ANGPTL6: variants seen among roughly 807,000 people sequenced by gnomAD.
The protein encoded by ANGPTL6 is angiopoietin like 6.
ANGPTL6 carries 45 observed loss-of-function variants against 47.4 expected under a neutral mutation model. That is an observed-to-expected ratio of 0.95 (90% confidence interval 0.75 to 1.22). ANGPTL6 has a LOEUF of 1.22. ANGPTL6 is among the 50% of genes most tolerant of loss of function. The probability of loss-of-function intolerance (pLI) is 0.00; values close to 1 mark genes in which losing one functional copy is unlikely to be tolerated. For synonymous variants in ANGPTL6, 290 were observed against 295.9 expected (o/e 0.98, Z 0.20); for missense variants, 698 against 669.4 (o/e 1.04, Z -0.47).
intron 1 of ANGPTL6, among the ~76,000 whole-genome samples, chr19:10,098,491 C>T (rs550857075): frequency 6.6e-6 from 1 of 152,260 alleles, no homozygotes; most frequent in Admixed American, 6.5e-5. Context: ...AGACTGGACC[C>T]TGCCTGATGT....
At chr19:10,100,022 G>C (rs920064736) in intron 1 of ANGPTL6, among the ~76,000 whole-genome samples, 46 of 149,734 alleles carry the variant, frequency 3.1e-4, no homozygotes, top group Non-Finnish European at 4.4e-5. Context: ...ACCACACCCA[G>C]CTAATTTTTG....
upstream of ANGPTL6, among the ~76,000 whole-genome samples, chr19:10,103,254 A>T (rs1025292269): frequency 2.6e-5 from 4 of 151,668 alleles, no homozygotes; most frequent in Non-Finnish European, 4.4e-5. Flanking sequence ...AACAGAGTGG[A>T]CACAAACACA....
upstream of ANGPTL6, among the ~76,000 whole-genome samples, chr19:10,103,624 T>TAAATAAATAAATAAATAAATA (rs35700641): frequency 7.9e-6 from 1 of 126,082 alleles, no homozygotes; most frequent in Non-Finnish European, 1.7e-5. Context: ...AATAAATAAA[T>TAAATAAATAAATAAATAAATA]AATAAATAAA....
At chr19:10,099,558 C>T (rs2088628901) in intron 1 of ANGPTL6, among the ~76,000 whole-genome samples, 1 of 109,238 alleles carries the variant, frequency 9.2e-6, no homozygotes, top group Admixed American at 1.4e-4. Context: ...GCCTGGGCAA[C>T]AGAGCAAGAC....
chr19:10,103,425 A>G (rs2088729400), upstream of ANGPTL6, among the ~76,000 whole-genome samples: 1 of 151,580 alleles, frequency 6.6e-6, no homozygotes, highest in Non-Finnish European at 1.5e-5. Flanking sequence ...CCCCGTCTCT[A>G]CTAACAATAC....
chr19:10,103,426 C>T (rs575623717), upstream of ANGPTL6, among the ~76,000 whole-genome samples: 1 of 151,624 alleles, frequency 6.6e-6, no homozygotes, highest in African/African-American at 2.4e-5. Flanking sequence ...CCCGTCTCTA[C>T]TAACAATACA....
upstream of ANGPTL6, chr19:10,106,181 A>T: frequency 2.5e-6 from 2 of 796,930 alleles, no homozygotes; most frequent in East Asian, 6.1e-5. Flanking sequence ...TGCAGCCCGG[A>T]GCCGCGTAGC....
chr19:10,094,591 A>C, intron 3 of ANGPTL6, 167 bp downstream of exon 3: 2 of 845,800 alleles, frequency 2.4e-6, no homozygotes, highest in South Asian at 3.1e-5. Context: ...CTCCTCTTCT[A>C]TTTCTTGTTT....
chr19:10,101,486 G>A (rs1284290110), intron 1 of ANGPTL6, among the ~76,000 whole-genome samples: 9 of 151,988 alleles, frequency 5.9e-5, no homozygotes, highest in African/African-American at 2.2e-4. Context: ...AACAGCAGGT[G>A]CAAAGGCCCG....
intron 1 of ANGPTL6, among the ~76,000 whole-genome samples, chr19:10,099,845 T>TCTCTCCCTCTCTCTC (rs1568473901): frequency 2.2e-5 from 2 of 89,470 alleles, no homozygotes; most frequent in Non-Finnish European, 4.8e-5. Context: ...CTCTCTCTCT[T>TCTCTCCCTCTCTCTC]TCTCTCTTTC....
chr19:10,102,874 T>G, upstream of ANGPTL6: 1 of 722,334 alleles, frequency 1.4e-6, no homozygotes, highest in Non-Finnish European at 1.7e-6. Flanking sequence ...TGGACATCCC[T>G]CCCTTTCCCC....
intron 2 of ANGPTL6, 58 bp downstream of exon 2, chr19:10,095,924 G>T (rs2088516916): frequency 2.0e-6 from 2 of 1,025,502 alleles, no homozygotes; most frequent in African/African-American, 3.3e-5. Context: ...GAGATCGTGG[G>T]GTTGCAAAAC....
At chr19:10,104,001 G>A (rs954448852), upstream of ANGPTL6, among the ~76,000 whole-genome samples, 129 of 147,478 alleles carry the variant, frequency 8.7e-4, 1 homozygote, top group Non-Finnish European at 4.4e-4. Context: ...GCTGAGGCAG[G>A]AGAATCGCTT....
At chr19:10,093,328 C>A in intron 5 of ANGPTL6, 21 bp downstream of exon 5, 1 of 1,602,864 alleles carries the variant, frequency 6.2e-7, no homozygotes, top group African/African-American at 1.3e-5. Flanking sequence ...ATCCTCTCAC[C>A]AGAATAGGAG....
At position 10,094,938 on chromosome 19, in the gene ANGPTL6, C is replaced by A; in HGVS notation, c.583G>T (p.Val195Phe). 6.3e-7 allele frequency: 1 copy of A among 1,599,740 alleles called. No individual in the cohort carries two copies. Among genetic ancestry groups the A allele is most frequent in the Non-Finnish European group, 8.5e-7 (1 of 1,171,670 alleles). The change falls in exon 3 of 6, where the codon GTC (valine) becomes TTC (phenylalanine). Residue 195 changes from valine to phenylalanine, a missense_variant and splice_region_variant. By Grantham distance (50) the Val-to-Phe change is conservative. Coordinates refer to ENST00000253109, the MANE Select transcript of ANGPTL6 (RefSeq NM_031917.3). ...GGCACCAGTGGGGGTGGCGGCAGGA[C>A]CTGGGGTGACGGAGAAAGTCAGGTG... ...CPGGAGGQQQ[V>F]LPPPPLVPVV...
upstream of ANGPTL6, among the ~76,000 whole-genome samples, chr19:10,106,007 G>GC (rs1258258532): frequency 6.6e-6 from 1 of 152,230 alleles, no homozygotes; most frequent in Non-Finnish European, 1.5e-5. Context: ...TGGCGCCAGA[G>GC]CGCCCAACAT....
intron 5 of ANGPTL6, 157 bp downstream of exon 5, chr19:10,093,192 T>C: frequency 9.6e-7 from 1 of 1,038,622 alleles, no homozygotes. Flanking sequence ...CCCACCAGGA[T>C]AAAAGTCCTG....
At chr19:10,100,515 T>C (rs1307219859) in intron 1 of ANGPTL6, among the ~76,000 whole-genome samples, 1 of 152,130 alleles carries the variant, frequency 6.6e-6, no homozygotes, top group African/African-American at 2.4e-5. Context: ...AAATTACAGA[T>C]GTGAGCAACC....
At chr19:10,105,571 C>A (rs2088798701), upstream of ANGPTL6, among the ~76,000 whole-genome samples, 1 of 140,870 alleles carries the variant, frequency 7.1e-6, no homozygotes, top group Admixed American at 7.9e-5. Context: ...CAACTGATGA[C>A]AGAGACAAAG....
Sources: allele counts gnomAD v4.1 joint callset (sites outside exome capture counted in the v4.1 genomes callset), GRCh38; gene constraint gnomAD v4.1.1; transcripts MANE v1.5; gene names NCBI Gene and HGNC (gene_info 2026-07-23, HGNC 2026-07-21).